Variants in SLC39A11 observed in about 807,000 individuals in gnomAD.
The protein encoded by SLC39A11 is zinc transporter ZIP11.
SLC39A11 carries 33 observed loss-of-function variants against 36.1 expected under a neutral mutation model. The observed-to-expected ratio is 0.91, with a 90% CI of 0.69 to 1.22. SLC39A11 has a LOEUF of 1.22. SLC39A11 is among the 50% of genes most tolerant of loss of function. The pLI is 0.00. For missense variants in SLC39A11, 432 were observed against 430.3 expected (o/e 1.00, Z -0.03); for synonymous variants, 166 against 170.3 (o/e 0.97, Z 0.20).
chr17:73,036,158 T>C (rs980286121), intron 3 of SLC39A11, among the ~76,000 whole-genome samples: 1 of 152,248 alleles, frequency 6.6e-6, no homozygotes, highest in Non-Finnish European at 1.5e-5. Flanking sequence ...AAATTTGCAC[T>C]GTTTTAAGCC....
At chr17:73,034,926 G>A (rs1032304057) in intron 3 of SLC39A11, among the ~76,000 whole-genome samples, 29 of 152,140 alleles carry the variant, frequency 1.9e-4, no homozygotes, top group African/African-American at 7.0e-4. Context: ...ACGCATCCCA[G>A]CTGATTCAGG....
At chr17:73,014,138 AC>A (rs1568125971) in intron 4 of SLC39A11, among the ~76,000 whole-genome samples, 1 of 152,102 alleles carries the variant, frequency 6.6e-6, no homozygotes, top group Non-Finnish European at 1.5e-5. Flanking sequence ...CACAGAATGC[AC>A]CTAAATCAAC....
At chr17:72,888,520 A>C (rs2081550829) in intron 5 of SLC39A11, among the ~76,000 whole-genome samples, 1 of 152,198 alleles carries the variant, frequency 6.6e-6, no homozygotes, top group Non-Finnish European at 1.5e-5. Flanking sequence ...AGACGCTTCT[A>C]AACATTTTAG....
chr17:72,966,630 C>T (rs923909981), intron 4 of SLC39A11, among the ~76,000 whole-genome samples: 28 of 152,114 alleles, frequency 1.8e-4, no homozygotes, highest in Admixed American at 1.0e-3. Context: ...AGTGCAGTGG[C>T]GCGATCTCTG....
At chr17:72,696,859 G>C (rs1598374808) in intron 7 of SLC39A11, among the ~76,000 whole-genome samples, 1 of 152,146 alleles carries the variant, frequency 6.6e-6, no homozygotes, top group East Asian at 1.9e-4. Context: ...CTAGAGGCTT[G>C]GCCTGTATGA....
intron 6 of SLC39A11, among the ~76,000 whole-genome samples, chr17:72,818,391 G>T (rs1274841945): frequency 6.6e-6 from 1 of 152,132 alleles, no homozygotes; most frequent in Non-Finnish European, 1.5e-5. Context: ...ATTCCTCCAG[G>T]TGTGGACAAG....
rs868487839 is a variant in SLC39A11, at chr17:72,672,317, C to T, written c.672-23049G>A. On this transcript the variant is annotated intron_variant, in intron 7 of 9. Transcript: ENST00000255559. ...TACAAAAATTGGCCAGGCTTGGTGG[C>T]GTGCACCTCTAGTCCCAGCTATTTG... is the stretch of plus-strand genomic sequence containing the variant. Among the ~76,000 whole-genome samples the T allele has an allele frequency of 8.5e-5, 13 of 152,116 alleles. No homozygotes were observed. In the South Asian group the frequency reaches 1.5e-3, roughly 17 times the overall value.
intron 7 of SLC39A11, among the ~76,000 whole-genome samples, chr17:72,662,240 G>A (rs1046773392): frequency 1.3e-5 from 2 of 151,508 alleles, no homozygotes; most frequent in African/African-American, 4.9e-5. Flanking sequence ...AGTCCAGCCT[G>A]GACTGGCCAA....
At position 72,991,364 on chromosome 17, in the gene SLC39A11, T is replaced by C. The variant is rs748617242; in HGVS notation, c.306+40192A>G. On this transcript the variant is annotated intron_variant, in intron 4 of 9. Transcript: ENST00000255559. ...TTGTTATTTTTATTTATTTTTTAAT[T>C]TTTTTTTTTTTGAGATGGAGCCTTG... is the stretch of plus-strand genomic sequence containing the variant. 6.0e-5 allele frequency among the ~76,000 whole-genome samples: 9 copies of C among 149,682 alleles called. No homozygotes were observed. In the South Asian group the frequency reaches 6.3e-4, roughly 10 times the overall value.
At chr17:72,692,014 A>ATTT (rs112360074) in intron 7 of SLC39A11, among the ~76,000 whole-genome samples, 3 of 144,616 alleles carry the variant, frequency 2.1e-5, no homozygotes, top group Non-Finnish European at 3.0e-5. Flanking sequence ...AAAGTAGTGG[A>ATTT]TTTTTTTTTT....
chr17:72,946,691 T>C (rs56006728), intron 5 of SLC39A11, among the ~76,000 whole-genome samples: 68,778 of 151,914 alleles, frequency 0.45, 17,882 homozygotes, highest in South Asian at 0.66. Flanking sequence ...TCTTGCAGGA[T>C]TAAATGGGGA....
intron 5 of SLC39A11, among the ~76,000 whole-genome samples, chr17:72,905,326 T>G (rs1292964444): frequency 2.0e-5 from 3 of 150,272 alleles, no homozygotes; most frequent in African/African-American, 7.3e-5. Flanking sequence ...CCAGGCACAG[T>G]GGCTCACACC....
intron 3 of SLC39A11, among the ~76,000 whole-genome samples, chr17:73,060,210 C>CAAA (rs33931672): frequency 1.8e-3 from 127 of 70,008 alleles, no homozygotes; most frequent in East Asian, 4.8e-3. Flanking sequence ...AACTCCATCT[C>CAAA]AAAAAAAAAA....
intron 4 of SLC39A11, among the ~76,000 whole-genome samples, chr17:73,012,134 G>T (rs1418125562): frequency 6.6e-6 from 1 of 151,884 alleles, no homozygotes; most frequent in Admixed American, 6.6e-5. Context: ...AAACTAGCCG[G>T]GCGTGGTGGC....
At chr17:72,873,667 G>C (rs2080756406) in intron 5 of SLC39A11, among the ~76,000 whole-genome samples, 1 of 152,146 alleles carries the variant, frequency 6.6e-6, no homozygotes, top group Admixed American at 6.5e-5. Context: ...CCTGACTCTA[G>C]CACCCCATGA....
intron 3 of SLC39A11, among the ~76,000 whole-genome samples, chr17:73,035,745 TCCCAGCTA>T (rs1261323942): frequency 6.7e-6 from 1 of 149,408 alleles, no homozygotes; most frequent in Non-Finnish European, 1.5e-5. Context: ...GCACCTGTAA[TCCCAGCTA>T]CTCAGGAGGC....
At chr17:73,086,445 CAT>C (rs749304151) in intron 2 of SLC39A11, among the ~76,000 whole-genome samples, 6 of 152,116 alleles carry the variant, frequency 3.9e-5, no homozygotes, top group East Asian at 3.9e-4. Flanking sequence ...AATTCTGGCA[CAT>C]GTTATAACGT....
chr17:72,686,095 G>T (rs1011478764), intron 7 of SLC39A11, among the ~76,000 whole-genome samples: 1 of 151,892 alleles, frequency 6.6e-6, no homozygotes, highest in African/African-American at 2.4e-5. Flanking sequence ...TGCAGGCTTG[G>T]TCTTGTCCCT....
At chr17:72,791,610 A>G (rs143542497) in intron 6 of SLC39A11, among the ~76,000 whole-genome samples, 17 of 152,302 alleles carry the variant, frequency 1.1e-4, no homozygotes, top group African/African-American at 2.4e-4. Flanking sequence ...AACCTGTGAT[A>G]AAGGTACTGA....
Sources: allele counts gnomAD v4.1 joint callset (sites outside exome capture counted in the v4.1 genomes callset), GRCh38; gene constraint gnomAD v4.1.1; transcripts MANE v1.5; gene names NCBI Gene and HGNC (gene_info 2026-07-23, HGNC 2026-07-21).